Variants in NUP54 observed in about 807,000 individuals in gnomAD.
NUP54 encodes nucleoporin 54.
In NUP54, 27 loss-of-function variants were observed where a neutral mutation model predicts 66.4. The ratio of observed to expected loss-of-function variants is 0.41; its 90% CI spans 0.30 to 0.56. The LOEUF is 0.56. NUP54 is among the 20% of genes least tolerant of loss of function. The pLI is 0.34. For missense variants in NUP54, 486 were observed against 596.3 expected (o/e 0.82, Z 1.93); for synonymous variants, 206 against 210.7 (o/e 0.98, Z 0.19).
intron 5 of NUP54, among the ~76,000 whole-genome samples, chr4:76,133,456 C>G (rs1205533631): frequency 6.6e-6 from 1 of 151,978 alleles, no homozygotes; most frequent in Non-Finnish European, 1.5e-5. Flanking sequence ...CAGGCACCTG[C>G]CACCACGCCC....
chr4:76,124,443 A>C, intron 9 of NUP54: 1 of 314,750 alleles, frequency 3.2e-6, no homozygotes. Flanking sequence ...CTAAAATACG[A>C]ACTTTAGGAT....
At chr4:76,139,475 G>A (rs571471452) in intron 3 of NUP54, among the ~76,000 whole-genome samples, 7 of 152,190 alleles carry the variant, frequency 4.6e-5, no homozygotes, top group Middle Eastern at 3.4e-3. Flanking sequence ...CAGAATGGGG[G>A]GCATTTAACA....
chr4:76,130,167 A>G (rs1203930985), intron 8 of NUP54, among the ~76,000 whole-genome samples: 1 of 151,576 alleles, frequency 6.6e-6, no homozygotes, highest in Non-Finnish European at 1.5e-5. Flanking sequence ...TTTTTAGTAC[A>G]GACCAGGTTT....
Position 76,146,182 on chromosome 4 carries a change from G to A in NUP54, c.68-1709C>T, listed in dbSNP as rs35866970. 6.7e-3 allele frequency: 2,849 copies of A among 422,390 alleles called. 65 individuals are homozygous for A. The highest frequency in any genetic ancestry group is 0.053 in the African/African-American group (2,593 of 48,536). The allele number at this position is 422,390 out of a possible 1,614,324, so 26.2% of individuals were successfully genotyped here. A position where few individuals can be genotyped will look rare whatever the true frequency, so the allele number is the denominator to read the frequency against. The stretch of plus-strand genomic sequence containing the variant: ...CAAGAAAGTCTATCAGCCCTTTGCT[G>A]AAGGTTAACACATATAAAAGTAGTT... On this transcript the variant is annotated intron_variant, in intron 1 of 11. Coordinates refer to ENST00000264883, the MANE Select transcript of NUP54 (RefSeq NM_017426.4).
At chr4:76,121,548 T>G (rs1730237188) in intron 9 of NUP54, among the ~76,000 whole-genome samples, 1 of 152,176 alleles carries the variant, frequency 6.6e-6, no homozygotes, top group African/African-American at 2.4e-5. Flanking sequence ...CACTAGAGCC[T>G]CAAACTCCTG....
intron 3 of NUP54, among the ~76,000 whole-genome samples, chr4:76,143,872 T>A (rs1259004445): frequency 2.6e-5 from 4 of 152,170 alleles, no homozygotes; most frequent in Non-Finnish European, 5.9e-5. Context: ...ATATAATTCA[T>A]TAAGCTGTAC....
rs1731549197 is a variant in NUP54 at position 76,147,415 on chromosome 4, G to A, written c.67+893C>T. The A allele has an allele frequency of 3.6e-6, 4 of 1,114,848 alleles. No homozygotes were observed. The South Asian group carries it at 5.7e-5, about 16-fold the overall frequency. 69.1% of individuals were successfully genotyped at this position (1,114,848 alleles called of 1,614,324 possible). On this transcript the variant is annotated intron_variant, in intron 1 of 11. Coordinates refer to ENST00000264883, the MANE Select transcript of NUP54 (RefSeq NM_017426.4). ...GTAACTGTTCTTTCCCAAACTCCAG[G>A]AACCACAATATTCTTGGACTCCAGC...
chr4:76,135,918 G>A (rs932330222), intron 4 of NUP54, among the ~76,000 whole-genome samples: 1 of 152,124 alleles, frequency 6.6e-6, no homozygotes, highest in African/African-American at 2.4e-5. Flanking sequence ...CAGGTGCCAG[G>A]CAAACCATTC....
intron 9 of NUP54, among the ~76,000 whole-genome samples, chr4:76,120,421 C>CT (rs59098375): frequency 0.016 from 1,863 of 117,684 alleles, 22 homozygotes; most frequent in Non-Finnish European, 0.023. Flanking sequence ...AAAGGGATCT[C>CT]TTTTTTTTTT....
chr4:76,126,119 TCAGAGTGCAGAGG>T (rs1446265649), intron 8 of NUP54, among the ~76,000 whole-genome samples: 3 of 152,094 alleles, frequency 2.0e-5, no homozygotes, highest in Non-Finnish European at 4.4e-5. Context: ...GAGGGAGTAA[TCAGAGTGCAGAGG>T]AAAAGGAATG....
intron 1 of NUP54, 26 bp downstream of exon 1, chr4:76,148,282 G>T (rs1209558925): frequency 3.1e-5 from 42 of 1,360,406 alleles, no homozygotes; most frequent in Non-Finnish European, 4.0e-5. Flanking sequence ...CTTCTTCCCG[G>T]GTGAAGGTCT....
intron 9 of NUP54, 75 bp from the exon 10 acceptor site, chr4:76,118,269 T>G: frequency 1.5e-6 from 2 of 1,333,058 alleles, no homozygotes; most frequent in Non-Finnish European, 2.1e-6. Flanking sequence ...GTACAATTAG[T>G]TACTGAAAGA....
Position 76,132,725 on chromosome 4 carries a change from G to C in NUP54, c.711-6C>G. ...CATAAATAACAACTTCTGTCCTGAA[G>C]GAAGAATAACCAATTTATAAAATAT... On this transcript the variant is annotated splice_polypyrimidine_tract_variant and splice_region_variant and intron_variant, in intron 5 of 11. Transcript: ENST00000264883. 1 of 1,600,252 alleles carries C rather than the reference G, an allele frequency of 6.2e-7. No individual in the cohort carries two copies. The highest frequency in any genetic ancestry group is 8.5e-7 in the Non-Finnish European group (1 of 1,172,896).
intron 3 of NUP54, among the ~76,000 whole-genome samples, chr4:76,139,593 C>A (rs1179692038): frequency 6.6e-6 from 1 of 152,084 alleles, no homozygotes; most frequent in Non-Finnish European, 1.5e-5. Context: ...TTGTTTGGAT[C>A]ATGATTCAAA....
chr4:76,125,708 A>G (rs1578673404), intron 8 of NUP54, among the ~76,000 whole-genome samples: 2 of 24,716 alleles, frequency 8.1e-5, no homozygotes, highest in Admixed American at 4.5e-4. Flanking sequence ...GAAGAGGGAG[A>G]AGAGGGAGAG....
intron 8 of NUP54, among the ~76,000 whole-genome samples, chr4:76,128,194 G>A (rs1257255451): frequency 6.6e-6 from 1 of 151,978 alleles, no homozygotes; most frequent in Non-Finnish European, 1.5e-5. Context: ...GTAATTCCTT[G>A]TTGTGGGAGT....
intron 9 of NUP54, among the ~76,000 whole-genome samples, chr4:76,123,558 G>A (rs1255325048): frequency 6.6e-6 from 1 of 151,904 alleles, no homozygotes; most frequent in Non-Finnish European, 1.5e-5. Context: ...TGTAGCCTAG[G>A]CTGGAGTGCA....
chr4:76,143,144 CAACAA>C lies in NUP54; in HGVS notation c.295+1000_295+1004del, dbSNP rs1214171345. Among the ~76,000 whole-genome samples, 3 of 151,640 alleles carry C rather than the reference CAACAA, an allele frequency of 2.0e-5. No homozygotes were observed. The East Asian group carries it at 5.8e-4, about 29-fold the overall frequency. The stretch of plus-strand genomic sequence containing the variant: ...CCTATAAAATAGTCTTGCAAACAAA[CAACAA>C]AACAACAAAATATATATATGTACGC... On this transcript the variant is annotated intron_variant, in intron 3 of 11. Coordinates refer to ENST00000264883, the MANE Select transcript of NUP54 (RefSeq NM_017426.4).
At chr4:76,134,427 T>G in intron 4 of NUP54, 65 bp from the exon 5 acceptor site, 1 of 1,240,668 alleles carries the variant, frequency 8.1e-7, no homozygotes, top group South Asian at 1.4e-5. Context: ...TGTTTAATAT[T>G]AATAGCTTAA....
Sources: allele counts gnomAD v4.1 joint callset (sites outside exome capture counted in the v4.1 genomes callset), GRCh38; gene constraint gnomAD v4.1.1; transcripts MANE v1.5; gene names NCBI Gene and HGNC (gene_info 2026-07-23, HGNC 2026-07-21).